Variants in PTPRD observed in about 807,000 individuals in gnomAD.
The protein encoded by PTPRD is receptor-type tyrosine-protein phosphatase delta.
Under a neutral mutation model 214.5 loss-of-function variants are expected in PTPRD, and 34 were observed. The ratio of observed to expected loss-of-function variants is 0.16; its 90% CI spans 0.12 to 0.21. The LOEUF (loss-of-function observed/expected upper bound fraction) is 0.21. Ranked by LOEUF, PTPRD falls within the 10% of genes least tolerant of loss-of-function variation. The pLI, the probability that PTPRD is intolerant of heterozygous loss-of-function variation, is 1.00. For missense variants in PTPRD, 2,545 were observed against 2,398.7 expected (o/e 1.06, Z -1.27); for synonymous variants, 1,128 against 845.7 (o/e 1.33, Z -5.79).
chr9:9,330,593 T>TA (rs1374982583), intron 9 of PTPRD, among the ~76,000 whole-genome samples: 2 of 152,104 alleles, frequency 1.3e-5, no homozygotes, highest in East Asian at 3.9e-4. Flanking sequence ...CTTTAATCTT[T>TA]AATTGTATAA....
intron 11 of PTPRD, among the ~76,000 whole-genome samples, chr9:8,980,226 G>C (rs554927912): frequency 6.6e-6 from 1 of 152,026 alleles, no homozygotes; most frequent in Non-Finnish European, 1.5e-5. Context: ...TTTATCATCA[G>C]TGGGGGTGGG....
At chr9:10,435,562 T>C (rs2098711685) in intron 2 of PTPRD, among the ~76,000 whole-genome samples, 1 of 151,840 alleles carries the variant, frequency 6.6e-6, no homozygotes, top group Admixed American at 6.6e-5. Flanking sequence ...TAGACCTCTG[T>C]TATAAATCAC....
chr9:10,420,477 G>C (rs972556594), intron 2 of PTPRD, among the ~76,000 whole-genome samples: 11 of 151,798 alleles, frequency 7.2e-5, no homozygotes, highest in African/African-American at 2.4e-4. Context: ...GTGCTTGAAG[G>C]GGGAAATAAT....
At chr9:10,200,441 C>A (rs535123943) in intron 3 of PTPRD, among the ~76,000 whole-genome samples, 11 of 152,182 alleles carry the variant, frequency 7.2e-5, no homozygotes, top group Non-Finnish European at 8.8e-5. Context: ...AAACATTAAA[C>A]AAGGCATAAG....
At chr9:8,370,235 CACAT>C (rs369727937) in intron 39 of PTPRD, among the ~76,000 whole-genome samples, 35 of 57,576 alleles carry the variant, frequency 6.1e-4, no homozygotes, top group African/African-American at 1.3e-3. Flanking sequence ...CACACACACA[CACAT>C]ATATATATAT....
intron 2 of PTPRD, among the ~76,000 whole-genome samples, chr9:10,534,988 G>T (rs761963380): frequency 2.0e-5 from 3 of 152,118 alleles, no homozygotes; most frequent in Admixed American, 2.0e-4. Flanking sequence ...GCCTTTTATC[G>T]CTGTAAAACC....
intron 8 of PTPRD, among the ~76,000 whole-genome samples, chr9:9,568,232 T>C (rs2085211458): frequency 1.3e-5 from 2 of 151,886 alleles, no homozygotes; most frequent in Admixed American, 1.3e-4. Flanking sequence ...ATTAGAATAA[T>C]TAAATTTAAA....
At chr9:8,979,967 T>C (rs921596025) in intron 11 of PTPRD, among the ~76,000 whole-genome samples, 3 of 152,052 alleles carry the variant, frequency 2.0e-5, no homozygotes, top group African/African-American at 7.2e-5. Flanking sequence ...AACGTAAATG[T>C]CTGTAGATGA....
intron 2 of PTPRD, among the ~76,000 whole-genome samples, chr9:10,381,378 A>G (rs751732922): frequency 1.3e-5 from 2 of 152,056 alleles, no homozygotes; most frequent in Non-Finnish European, 2.9e-5. Flanking sequence ...AGCCAGATTC[A>G]TCATTTCTAT....
chr9:10,411,851 T>C (rs534799814), intron 2 of PTPRD, among the ~76,000 whole-genome samples: 53 of 151,812 alleles, frequency 3.5e-4, no homozygotes, highest in Non-Finnish European at 6.2e-4. Flanking sequence ...AACTATTAAA[T>C]ATCCCATATA....
chr9:10,135,026 G>A (rs1439042192), intron 3 of PTPRD, among the ~76,000 whole-genome samples: 2 of 152,066 alleles, frequency 1.3e-5, no homozygotes, highest in Non-Finnish European at 1.5e-5. Flanking sequence ...TTTTTTAAAA[G>A]AACCAAATTG....
chr9:9,007,083 A>T (rs2099475192), intron 11 of PTPRD, among the ~76,000 whole-genome samples: 1 of 151,974 alleles, frequency 6.6e-6, no homozygotes, highest in South Asian at 2.1e-4. Flanking sequence ...TAAATTATAA[A>T]ATTAAAATAC....
At chr9:10,567,070 A>G (rs2034509998) in intron 2 of PTPRD, among the ~76,000 whole-genome samples, 1 of 152,026 alleles carries the variant, frequency 6.6e-6, no homozygotes, top group Admixed American at 6.6e-5. Context: ...CTTACATAGT[A>G]TGTTTGCTTT....
intron 2 of PTPRD, among the ~76,000 whole-genome samples, chr9:10,440,480 G>A (rs79466266): frequency 0.015 from 2,230 of 151,762 alleles, 41 homozygotes; most frequent in African/African-American, 0.049. Flanking sequence ...GTAAAGAAAG[G>A]GTGGTCTGGA....
chr9:9,211,515 GCACACACACACACACACACACACACA>G (rs36213005), intron 9 of PTPRD, among the ~76,000 whole-genome samples: 19,200 of 143,660 alleles, frequency 0.13, 1,555 homozygotes, highest in Non-Finnish European at 0.18. Context: ...GTGTGCGCAC[GCACACACACACACACACACACACACA>G]CACACACACA....
At chr9:8,808,634 T>C (rs542983138) in intron 11 of PTPRD, among the ~76,000 whole-genome samples, 49 of 152,146 alleles carry the variant, frequency 3.2e-4, no homozygotes, top group African/African-American at 1.1e-3. Flanking sequence ...AGCAGTAGAC[T>C]CAATACAAAA....
intron 7 of PTPRD, among the ~76,000 whole-genome samples, chr9:9,696,990 C>A (rs939546779): frequency 4.6e-5 from 7 of 151,996 alleles, no homozygotes; most frequent in African/African-American, 1.4e-4. Flanking sequence ...CTTACAAAAA[C>A]ATATAAAAAT....
intron 8 of PTPRD, among the ~76,000 whole-genome samples, chr9:9,513,641 C>T (rs749920570): frequency 8.6e-5 from 13 of 151,068 alleles, no homozygotes; most frequent in Non-Finnish European, 1.9e-4. Context: ...TTCACACTTT[C>T]CTGAATATTC....
At chr9:10,272,183 A>C (rs1176683052) in intron 3 of PTPRD, among the ~76,000 whole-genome samples, 1 of 152,112 alleles carries the variant, frequency 6.6e-6, no homozygotes, top group African/African-American at 2.4e-5. Flanking sequence ...TGGATATTTC[A>C]CATAAACGAA....
Sources: gnomAD v4.1 joint callset for allele counts (sites outside exome capture counted in the v4.1 genomes callset) on GRCh38, gnomAD v4.1.1 for gene constraint, MANE v1.5 for transcripts, NCBI Gene and HGNC (gene_info 2026-07-23, HGNC 2026-07-21) for gene names.